MLLT10: variants seen among roughly 807,000 people sequenced by gnomAD.
The protein encoded by MLLT10 is protein AF-10.
MLLT10 carries 30 observed loss-of-function variants against 129.1 expected under a neutral mutation model. The observed-to-expected ratio is 0.23, with a 90% confidence interval of 0.17 to 0.32. The LOEUF (loss-of-function observed/expected upper bound fraction) is 0.32, where lower values mean the gene tolerates loss of function less well. Ranked by LOEUF, MLLT10 falls within the 10% of genes least tolerant of loss-of-function variation. MLLT10 has a pLI of 1.00. For synonymous variants in MLLT10, 490 were observed against 446.4 expected, an observed-to-expected ratio of 1.10 and a Z score of -1.23; for missense variants, 1,119 against 1,268.3, an observed-to-expected ratio of 0.88 and a Z score of 1.79.
chr10:21,557,257 G>A (rs2038152732), intron 3 of MLLT10: 2 of 929,490 alleles, frequency 2.2e-6, no homozygotes, highest in Non-Finnish European at 2.7e-6. Context: ...ATAAGTAATA[G>A]TTTATGAAAT....
intron 16 of MLLT10, among the ~76,000 whole-genome samples, chr10:21,730,123 G>T (rs930318524): frequency 2.7e-5 from 4 of 147,056 alleles, no homozygotes; most frequent in Non-Finnish European, 6.0e-5. Context: ...CTCCCCCACC[G>T]CCGCCTCCCC....
intron 3 of MLLT10, chr10:21,557,116 G>A: frequency 7.2e-7 from 1 of 1,390,138 alleles, no homozygotes; most frequent in Non-Finnish European, 9.3e-7. Flanking sequence ...TTACATTTTT[G>A]CCCTTTTGTC....
At chr10:21,715,488 A>G (rs531708905) in intron 14 of MLLT10, among the ~76,000 whole-genome samples, 1 of 152,326 alleles carries the variant, frequency 6.6e-6, no homozygotes, top group East Asian at 1.9e-4. Context: ...TAGCTCCTAT[A>G]AATGGTTTTA....
At chr10:21,685,862 A>G (rs1262645755) in intron 13 of MLLT10, among the ~76,000 whole-genome samples, 1 of 152,224 alleles carries the variant, frequency 6.6e-6, no homozygotes, top group Non-Finnish European at 1.5e-5. Flanking sequence ...AACAATTTTC[A>G]TTCATTCAAC....
chr10:21,549,836 G>C (rs1324572401), intron 3 of MLLT10, among the ~76,000 whole-genome samples: 1 of 151,556 alleles, frequency 6.6e-6, no homozygotes, highest in East Asian at 1.9e-4. Flanking sequence ...ATGGGGTTTC[G>C]CCATGTCGGC....
At chr10:21,642,317 A>T (rs2048086851) in intron 8 of MLLT10, among the ~76,000 whole-genome samples, 1 of 152,002 alleles carries the variant, frequency 6.6e-6, no homozygotes, top group East Asian at 1.9e-4. Flanking sequence ...GTGCCATTGC[A>T]CTCCAGCCTG....
chr10:21,689,114 T>G (rs553166949), intron 13 of MLLT10, among the ~76,000 whole-genome samples: 3 of 152,118 alleles, frequency 2.0e-5, no homozygotes, highest in African/African-American at 4.8e-5. Flanking sequence ...TATGGCACTT[T>G]CCTTCTTGAG....
chr10:21,640,814 T>C (rs2047926979), intron 8 of MLLT10, among the ~76,000 whole-genome samples: 1 of 152,168 alleles, frequency 6.6e-6, no homozygotes, highest in Non-Finnish European at 1.5e-5. Context: ...AATTCTCAAA[T>C]TATGATTGAC....
chr10:21,721,344 AATTTTTCTT>A (rs1475706221), intron 14 of MLLT10, among the ~76,000 whole-genome samples: 1 of 152,164 alleles, frequency 6.6e-6, no homozygotes, highest in Non-Finnish European at 1.5e-5. Context: ...TTTCGAACCT[AATTTTTCTT>A]ATTATTCTGC....
At chr10:21,536,084 A>G (rs1177469119) in intron 2 of MLLT10, among the ~76,000 whole-genome samples, 1 of 152,150 alleles carries the variant, frequency 6.6e-6, no homozygotes, top group East Asian at 1.9e-4. Context: ...CTGGGATAAC[A>G]AGCACACCCT....
chr10:21,623,487 C>G (rs961334301), intron 8 of MLLT10, among the ~76,000 whole-genome samples: 1 of 152,156 alleles, frequency 6.6e-6, no homozygotes, highest in African/African-American at 2.4e-5. Flanking sequence ...CTCAGGACAT[C>G]AAAGGATTTT....
At chr10:21,724,053 G>A (rs1249341909) in intron 14 of MLLT10, among the ~76,000 whole-genome samples, 1 of 152,146 alleles carries the variant, frequency 6.6e-6, no homozygotes, top group Non-Finnish European at 1.5e-5. Flanking sequence ...TAAATACATG[G>A]TAAGTGAACA....
intron 9 of MLLT10, among the ~76,000 whole-genome samples, chr10:21,663,651 A>C (rs1224590742): frequency 1.3e-5 from 2 of 152,026 alleles, no homozygotes; most frequent in Non-Finnish European, 2.9e-5. Flanking sequence ...TGCAAGCTCC[A>C]TCTCCCAGGT....
At chr10:21,590,359 A>G (rs1353365824) in intron 4 of MLLT10, among the ~76,000 whole-genome samples, 1 of 147,966 alleles carries the variant, frequency 6.8e-6, no homozygotes, top group Non-Finnish European at 1.5e-5. Flanking sequence ...TTTTTTTTTG[A>G]GATGGAGTCT....
chr10:21,591,577 A>C (rs1290555692), intron 4 of MLLT10, among the ~76,000 whole-genome samples: 1 of 152,118 alleles, frequency 6.6e-6, no homozygotes, highest in African/African-American at 2.4e-5. Context: ...ATTTAAATTT[A>C]ATTATATTAA....
chr10:21,540,435 A>G (rs2034941833), intron 3 of MLLT10, among the ~76,000 whole-genome samples: 1 of 151,108 alleles, frequency 6.6e-6, no homozygotes, highest in South Asian at 2.1e-4. Flanking sequence ...TTGCACCTGT[A>G]CTCCCAGCTA....
chr10:21,626,581 A>G (rs1213464548), intron 8 of MLLT10, among the ~76,000 whole-genome samples: 1 of 152,192 alleles, frequency 6.6e-6, no homozygotes, highest in Non-Finnish European at 1.5e-5. Context: ...TCAGCTCTCA[A>G]TAGTGTCACA....
chr10:21,535,290 C>T (rs534274208), intron 2 of MLLT10, among the ~76,000 whole-genome samples: 1 of 152,100 alleles, frequency 6.6e-6, no homozygotes, highest in Non-Finnish European at 1.5e-5. Flanking sequence ...GGGAACGCGG[C>T]GCCAGTGTGG....
At chr10:21,562,359 C>G (rs188308453) in intron 3 of MLLT10, among the ~76,000 whole-genome samples, 1 of 147,800 alleles carries the variant, frequency 6.8e-6, no homozygotes, top group Non-Finnish European at 1.5e-5. Flanking sequence ...TTTTTTGAGA[C>G]GGCGTCTCAC....
Sources: gnomAD v4.1 joint callset for allele counts (sites outside exome capture counted in the v4.1 genomes callset) on GRCh38, gnomAD v4.1.1 for gene constraint, MANE v1.5 for transcripts, NCBI Gene and HGNC (gene_info 2026-07-23, HGNC 2026-07-21) for gene names.